Variants in ZNF804A observed in about 807,000 individuals in gnomAD.
ZNF804A encodes zinc finger protein 804A.
ZNF804A carries 2 observed loss-of-function variants against 16.5 expected under a neutral mutation model. That is an observed-to-expected ratio of 0.12 (90% CI 0.05 to 0.38). ZNF804A has a LOEUF of 0.38. Among genes scored for constraint, ZNF804A ranks in the 10% least tolerant of loss-of-function variants. The pLI is 0.99. For synonymous variants in ZNF804A, 534 were observed against 489.6 expected (o/e 1.09, Z -1.20); for missense variants, 1,473 against 1,390.7 (o/e 1.06, Z -0.94).
At position 184,938,921 on chromosome 2, in the gene ZNF804A, C is replaced by G; in HGVS notation, c.3525C>G (p.Ser1175=). The G allele has an allele frequency of 6.2e-7, 1 of 1,613,874 alleles. No individual in the cohort carries two copies. Among genetic ancestry groups the G allele is most frequent in the Non-Finnish European group, 8.5e-7 (1 of 1,179,960 alleles). The part of the protein sequence containing the change: ...APPQMPIIPA[S]VLHPSHLAFP... ...CTCAGATGCCAATCATTCCAGCTTC[C>G]GTTCTTCATCCTAGCCATCTGGCTT... The change falls in exon 4 of 4, where the codon TCC becomes TCG. Residue 1175 remains serine (S), a synonymous_variant. Coordinates refer to ENST00000302277, the MANE Select transcript of ZNF804A (RefSeq NM_194250.2).
chr2:184,713,123 A>AT (rs1435867871), intron 1 of ZNF804A, among the ~76,000 whole-genome samples: 1 of 151,758 alleles, frequency 6.6e-6, no homozygotes, highest in Non-Finnish European at 1.5e-5. Context: ...ATTTGAAGAA[A>AT]TAGCCACCTC....
intron 2 of ZNF804A, among the ~76,000 whole-genome samples, chr2:184,887,244 G>C (rs1258901282): frequency 6.6e-6 from 1 of 152,184 alleles, no homozygotes; most frequent in South Asian, 2.1e-4. Context: ...CTTTGCTCCA[G>C]TTCACAATGG....
chr2:184,705,643 T>C (rs1269172634), intron 1 of ZNF804A, among the ~76,000 whole-genome samples: 1 of 152,170 alleles, frequency 6.6e-6, no homozygotes, highest in African/African-American at 2.4e-5. Flanking sequence ...ACGTTTGTGC[T>C]ACATGATTAA....
rs1260746422 is a variant in ZNF804A at position 184,915,285 on chromosome 2, A to T, written c.256-18318A>T. 2.6e-5 allele frequency among the ~76,000 whole-genome samples: 4 copies of T among 152,096 alleles called. No homozygotes were observed. The East Asian group carries it at 7.7e-4, about 29-fold the overall frequency. The stretch of plus-strand genomic sequence containing the variant: ...AAAATATTTGCATTTAAAAAATAAC[A>T]TTTTAGTTCAAGAATATCTCAAATA... On this transcript the variant is annotated intron_variant, in intron 2 of 3. Transcript: ENST00000302277.
chr2:184,783,153 T>TTTG (rs1694398757), intron 1 of ZNF804A, among the ~76,000 whole-genome samples: 1 of 144,112 alleles, frequency 6.9e-6, no homozygotes, highest in Admixed American at 7.0e-5. Flanking sequence ...TTTTTTTTTT[T>TTTG]TTTTTTTTTT....
At chr2:184,683,429 G>A (rs538576407) in intron 1 of ZNF804A, among the ~76,000 whole-genome samples, 1 of 152,302 alleles carries the variant, frequency 6.6e-6, no homozygotes, top group African/African-American at 2.4e-5. Context: ...TATTCTTAAT[G>A]TTGGAGGTCA....
chr2:184,711,403 T>C (rs570734165), intron 1 of ZNF804A, among the ~76,000 whole-genome samples: 1 of 151,942 alleles, frequency 6.6e-6, no homozygotes, highest in African/African-American at 2.4e-5. Context: ...ATTTTAGATA[T>C]TGATCCTTTT....
chr2:184,893,495 A>G (rs1378467959), intron 2 of ZNF804A, among the ~76,000 whole-genome samples: 9 of 151,794 alleles, frequency 5.9e-5, no homozygotes, highest in South Asian at 2.1e-4. Flanking sequence ...GGATCATTAT[A>G]TACATCAAAT....
Position 184,937,476 on chromosome 2 carries a change from A to G in ZNF804A, c.2080A>G (p.Lys694Glu). The change falls in exon 4 of 4, where the codon AAA becomes GAA. Residue 694 changes from lysine to glutamate, a missense_variant. Coordinates refer to ENST00000302277, the MANE Select transcript of ZNF804A (RefSeq NM_194250.2). ...TACTATCAGTTCTAAAAACCACTGT[A>G]AAAAGAACACAATACTTTTAAATGG... ...YDTISSKNHC[K>E]KNTILLNGQS... is the part of the protein sequence containing the mutation. The G allele has an allele frequency of 1.3e-6, 2 of 1,570,432 alleles. No individual in the cohort carries two copies. Among genetic ancestry groups the G allele is most frequent in the East Asian group, 2.4e-5 (1 of 41,238 alleles).
intron 1 of ZNF804A, among the ~76,000 whole-genome samples, chr2:184,782,007 C>T (rs1028966613): frequency 2.0e-5 from 3 of 151,730 alleles, no homozygotes; most frequent in Non-Finnish European, 4.4e-5. Flanking sequence ...ACATCCTCTT[C>T]CCTCTGTATG....
chr2:184,600,458 A>G (rs1471572112), intron 1 of ZNF804A, among the ~76,000 whole-genome samples: 1 of 152,212 alleles, frequency 6.6e-6, no homozygotes, highest in Non-Finnish European at 1.5e-5. Context: ...AGTCTTCTTT[A>G]GTAGAGTAGC....
At chr2:184,929,401 C>CTT (rs1231477271) in intron 2 of ZNF804A, among the ~76,000 whole-genome samples, 1 of 152,028 alleles carries the variant, frequency 6.6e-6, no homozygotes, top group Non-Finnish European at 1.5e-5. Flanking sequence ...AAGCATTGCA[C>CTT]TTTTATCTTA....
intron 1 of ZNF804A, among the ~76,000 whole-genome samples, chr2:184,724,879 A>T (rs1301596881): frequency 6.6e-6 from 1 of 151,806 alleles, no homozygotes; most frequent in Non-Finnish European, 1.5e-5. Context: ...GGAAAGGCTT[A>T]GTTAGAGAGA....
intron 1 of ZNF804A, among the ~76,000 whole-genome samples, chr2:184,660,575 C>A (rs1165986806): frequency 6.6e-6 from 1 of 152,190 alleles, no homozygotes; most frequent in East Asian, 1.9e-4. Flanking sequence ...GAACACAATT[C>A]TTCAATTAAA....
intron 1 of ZNF804A, among the ~76,000 whole-genome samples, chr2:184,666,701 C>A (rs541070558): frequency 4.6e-5 from 7 of 152,096 alleles, no homozygotes; most frequent in African/African-American, 1.4e-4. Flanking sequence ...TGCTAATTAG[C>A]TAGAGGCAAG....
intron 2 of ZNF804A, among the ~76,000 whole-genome samples, chr2:184,879,332 A>T (rs896752612): frequency 2.6e-5 from 4 of 152,060 alleles, no homozygotes; most frequent in Non-Finnish European, 5.9e-5. Flanking sequence ...CTTCTTTATT[A>T]TGGTCACACT....
chr2:184,818,836 G>A (rs1362938370), intron 1 of ZNF804A, among the ~76,000 whole-genome samples: 3 of 151,986 alleles, frequency 2.0e-5, no homozygotes, highest in African/African-American at 7.2e-5. Flanking sequence ...AAATGGTAAG[G>A]GGTTCAGTTC....
Position 184,935,957 on chromosome 2 carries a change from A to G in ZNF804A, c.561A>G (p.Pro187=). 1 of 1,614,000 alleles carries G rather than the reference A, an allele frequency of 6.2e-7. No individual in the cohort carries two copies. Among genetic ancestry groups the G allele is most frequent in the Non-Finnish European group, 8.5e-7 (1 of 1,179,920 alleles). Reference sequence around the variant, plus strand: ...ATGCTACCACTGTTGCTGAAGATCCAGAAAGTGCAAATAATTATACAGCAA... The same window carrying G: ...ATGCTACCACTGTTGCTGAAGATCCGGAAAGTGCAAATAATTATACAGCAA... ...TKDATTVAED[P]ESANNYTAKN... Residue 187 remains proline (P), a synonymous_variant, in exon 4 of 4, where the codon CCA becomes CCG. Coordinates refer to ENST00000302277, the MANE Select transcript of ZNF804A (RefSeq NM_194250.2).
chr2:184,768,449 A>C (rs1436306809), intron 1 of ZNF804A, among the ~76,000 whole-genome samples: 4 of 152,090 alleles, frequency 2.6e-5, no homozygotes, highest in Non-Finnish European at 4.4e-5. Flanking sequence ...TTTTGGGTAC[A>C]TATAAAGGAA....
Sources: gnomAD v4.1 joint callset for allele counts (sites outside exome capture counted in the v4.1 genomes callset) on GRCh38, gnomAD v4.1.1 for gene constraint, MANE v1.5 for transcripts, NCBI Gene and HGNC (gene_info 2026-07-23, HGNC 2026-07-21) for gene names.